Variants in GNB5 observed in about 807,000 individuals in gnomAD.
GNB5 encodes the protein guanine nucleotide-binding protein subunit beta-5.
Under a neutral mutation model 55.3 loss-of-function variants are expected in GNB5, and 37 were observed. The ratio of observed to expected loss-of-function variants is 0.67; its 90% CI spans 0.51 to 0.88. GNB5 has a LOEUF of 0.88. Among genes scored for constraint, GNB5 ranks in the 40% least tolerant of loss-of-function variants. The probability of loss-of-function intolerance (pLI) is 0.00; values close to 1 mark genes in which losing one functional copy is unlikely to be tolerated. For missense variants in GNB5, 476 were observed against 515.3 expected (o/e 0.92, Z 0.74); for synonymous variants, 219 against 198.5 (o/e 1.10, Z -0.87).
intron 3 of GNB5, among the ~76,000 whole-genome samples, chr15:52,172,844 C>G (rs1471118448): frequency 1.3e-5 from 2 of 152,118 alleles, no homozygotes; most frequent in East Asian, 3.9e-4. Flanking sequence ...ATAACAAGTT[C>G]CTTGCGTATC....
In GNB5 at chr15:52,117,047, C is replaced by T. The variant is rs1172038307; in HGVS notation, c.*5710G>A. On this transcript the variant is annotated 3_prime_UTR_variant, in exon 13 of 13. Transcript: ENST00000261837. ...CATGCCATTCTCCTGCCCCAGCCTC[C>T]CGAGCAGCTGGGACTACAGGCACCT... is the stretch of plus-strand genomic sequence containing the variant. 2 of 145,488 alleles carry T rather than the reference C, an allele frequency of 1.4e-5. No homozygotes were observed. Among genetic ancestry groups the T allele is most frequent in the Non-Finnish European group, 3.0e-5 (2 of 66,616 alleles). 9.0% of individuals were successfully genotyped at this position (145,488 alleles called of 1,614,324 possible). A position where few individuals can be genotyped will look rare whatever the true frequency, so the allele number is the denominator to read the frequency against.
rs543309939 is a variant in GNB5, at chr15:52,145,422, T to G, written c.494+2037A>C. On this transcript the variant is annotated intron_variant, in intron 6 of 12. Transcript: ENST00000261837. ...TGGGAGGCTGAGGCAGGCAGATCAC[T>G]TGATGTCAGGAGTTCGAGACCACCC... Among the ~76,000 whole-genome samples the G allele has an allele frequency of 1.8e-4, 28 of 151,868 alleles. No homozygotes were observed. The South Asian group carries it at 5.8e-3, about 32-fold the overall frequency.
intron 7 of GNB5, chr15:52,139,946 G>A (rs1055957301): frequency 1.2e-5 from 15 of 1,284,204 alleles, no homozygotes; most frequent in African/African-American, 9.1e-5. Flanking sequence ...CAGCCTAAAT[G>A]TCCTCTGTTG....
At position 52,143,155 on chromosome 15, in the gene GNB5, T is replaced by TA. The variant is rs113681660; in HGVS notation, c.495-1884dup. On this transcript the variant is annotated intron_variant, in intron 6 of 12. Coordinates refer to ENST00000261837, the MANE Select transcript of GNB5 (RefSeq NM_016194.4). ...GGGCAACAGAGTGAGATTCTTTGACTAAAAAAAAGAGAAAAAAAAAAAACA... is the reference window on the plus strand; with the variant it reads ...GGGCAACAGAGTGAGATTCTTTGACTAAAAAAAAAGAGAAAAAAAAAAAACA... Among the ~76,000 whole-genome samples the TA allele has an allele frequency of 3.1e-4, 43 of 140,130 alleles. 2 individuals are homozygous for TA. The highest frequency in any genetic ancestry group is 1.0e-3 in the African/African-American group (39 of 38,378). 91.9% of individuals were successfully genotyped at this position (140,130 alleles called of 152,430 possible).
chr15:52,184,622 T>C lies in GNB5; in HGVS notation c.55A>G (p.Lys19Glu), dbSNP rs1296390757. The C allele has an allele frequency of 6.2e-7, 1 of 1,613,272 alleles. No homozygotes were observed. The highest frequency in any genetic ancestry group is 1.1e-5 in the South Asian group (1 of 91,066). Residue 19 changes from lysine to glutamate, a missense_variant, in exon 2 of 13, where the codon AAA (lysine) becomes GAA (glutamate). Transcript: ENST00000261837. Reference sequence around the variant, plus strand: ...AAAACTGGTCTCAGAGCTCGTTGTTTGAAACATTTGTCACATGAGCCAAAT... The same window carrying C: ...AAAACTGGTCTCAGAGCTCGTTGTTCGAAACATTTGTCACATGAGCCAAAT... The part of the protein sequence containing the change: ...NVFGSCDKCF[K>E]QRALRPVFKK...
At chr15:52,171,373 T>C (rs1339457865) in intron 3 of GNB5, among the ~76,000 whole-genome samples, 1 of 152,194 alleles carries the variant, frequency 6.6e-6, no homozygotes, top group Non-Finnish European at 1.5e-5. Context: ...ACATAAGCTA[T>C]GAAATACATG....
intron 2 of GNB5, 64 bp from the exon 3 acceptor site, chr15:52,179,943 G>GCCGCTCCAGCAGCCGTCCCCGGCC: frequency 1.4e-6 from 2 of 1,433,062 alleles, no homozygotes; most frequent in East Asian, 6.5e-5. Context: ...CGCGGCGGGC[G>GCCGCTCCAGCAGCCGTCCCCGGCC]CCGCTCCAGC....
At chr15:52,179,942 C>G in intron 2 of GNB5, 63 bp from the exon 3 acceptor site, 2 of 1,435,248 alleles carry the variant, frequency 1.4e-6, no homozygotes, top group Non-Finnish European at 1.8e-6. Context: ...CCGCGGCGGG[C>G]GCCGCTCCAG....
At chr15:52,167,034 G>T (rs927249155) in intron 3 of GNB5, among the ~76,000 whole-genome samples, 1 of 152,126 alleles carries the variant, frequency 6.6e-6, no homozygotes, top group African/African-American at 2.4e-5. Context: ...AACCATCAGA[G>T]AATACTACAA....
In GNB5 at chr15:52,128,203, T is replaced by C; in HGVS notation, c.905A>G (p.Asp302Gly). 1 of 1,607,702 alleles carries C rather than the reference T, an allele frequency of 6.2e-7. No individual in the cohort carries two copies. The highest frequency in any genetic ancestry group is 8.5e-7 in the Non-Finnish European group (1 of 1,174,214). Residue 302 changes from aspartate to glycine, a missense_variant, in exon 10 of 13, where the codon GAC becomes GGC. Asp to Gly is a moderately conservative substitution (Grantham distance 94). Transcript: ENST00000261837. ...AAAAACTTAGAAACATACCGTAGCG[T>C]CATCTGACCCTGAAGCAAAGGCATC... The part of the protein sequence containing the change: ...SGDAFASGSD[D>G]ATCRLYDLRA...
At chr15:52,128,017 G>T (rs1440938391) in intron 10 of GNB5, among the ~76,000 whole-genome samples, 179 bp downstream of exon 10, 1 of 152,130 alleles carries the variant, frequency 6.6e-6, no homozygotes, top group African/African-American at 2.4e-5. Context: ...AAGACAGAAA[G>T]GAATTCATCC....
chr15:52,125,693 A>C (rs2033405440), intron 11 of GNB5: 1 of 342,580 alleles, frequency 2.9e-6, no homozygotes, highest in South Asian at 8.7e-5. Flanking sequence ...TGAATTTCTG[A>C]CACTTCATTG....
rs1341100858 is a variant in GNB5, at chr15:52,117,114, T to TTTTTTTGG, written c.*5642_*5643insCCAAAAAA. 1 of 85,542 alleles carries TTTTTTTGG rather than the reference T, an allele frequency of 1.2e-5. No individual in the cohort carries two copies. The highest frequency in any genetic ancestry group is 2.3e-5 in the Non-Finnish European group (1 of 43,236). 5.3% of individuals were successfully genotyped at this position (85,542 alleles called of 1,614,324 possible). A position where few individuals can be genotyped will look rare whatever the true frequency, so the allele number is the denominator to read the frequency against. ...AATATATATATATATTTTTTTTTAG[T>TTTTTTTGG]ACAGACAGGGTTTCACCGTGTTAGC... On this transcript the variant is annotated 3_prime_UTR_variant, in exon 13 of 13. Transcript: ENST00000261837.
intron 3 of GNB5, 58 bp from the exon 4 acceptor site, chr15:52,154,134 G>C: frequency 6.5e-7 from 1 of 1,549,300 alleles, no homozygotes; most frequent in Non-Finnish European, 8.8e-7. Context: ...TGGGCTTTGG[G>C]CTGACACAGC....
In GNB5 at chr15:52,122,114, C is replaced by T. The variant is rs2033283991; in HGVS notation, c.*643G>A. ...CATCATCATCATCCATGAGTCAAAC[C>T]ACCTGTCCTTTTTAGGCATTTCTCT... On this transcript the variant is annotated 3_prime_UTR_variant, in exon 13 of 13. Coordinates refer to ENST00000261837, the MANE Select transcript of GNB5 (RefSeq NM_016194.4). The T allele has an allele frequency of 6.6e-6, 1 of 152,198 alleles. No individual in the cohort carries two copies. The highest frequency in any genetic ancestry group is 1.5e-5 in the Non-Finnish European group (1 of 68,050). The allele number at this position is 152,198 out of a possible 1,614,324, so 9.4% of individuals were successfully genotyped here.
Position 52,117,750 on chromosome 15 carries a change from C to T in GNB5, c.*5007G>A, listed in dbSNP as rs1012546493. 1 of 152,516 alleles carries T rather than the reference C, an allele frequency of 6.6e-6. No homozygotes were observed. The highest frequency in any genetic ancestry group is 2.1e-4 in the South Asian group (1 of 4,836). The allele number at this position is 152,516 out of a possible 1,614,324, so 9.4% of individuals were successfully genotyped here. A position where few individuals can be genotyped will look rare whatever the true frequency, so the allele number is the denominator to read the frequency against. On this transcript the variant is annotated 3_prime_UTR_variant, in exon 13 of 13. Coordinates refer to ENST00000261837, the MANE Select transcript of GNB5 (RefSeq NM_016194.4). ...CATGGCAATCCTTACAAAGGATCCA[C>T]AGAGACAAGATTCACTCGCGGCCTC... is the stretch of plus-strand genomic sequence containing the variant.
At chr15:52,190,247 A>G (rs1347332757) in intron 1 of GNB5, among the ~76,000 whole-genome samples, 2 of 150,996 alleles carry the variant, frequency 1.3e-5, no homozygotes, top group East Asian at 3.9e-4. Context: ...CCTCCCAAAT[A>G]TCTGGGAATA....
At chr15:52,157,479 C>T (rs764069206) in intron 3 of GNB5, among the ~76,000 whole-genome samples, 8 of 151,078 alleles carry the variant, frequency 5.3e-5, no homozygotes, top group Non-Finnish European at 1.2e-4. Context: ...CATCTGACCT[C>T]GTGATCAACC....
At chr15:52,177,811 G>A (rs2141237941) in intron 3 of GNB5, among the ~76,000 whole-genome samples, 1 of 152,274 alleles carries the variant, frequency 6.6e-6, no homozygotes, top group African/African-American at 2.4e-5. Context: ...AGCTGCAGGG[G>A]AATCAAGAGG....
Sources: gnomAD v4.1 joint callset for allele counts (sites outside exome capture counted in the v4.1 genomes callset) on GRCh38, gnomAD v4.1.1 for gene constraint, MANE v1.5 for transcripts, NCBI Gene and HGNC (gene_info 2026-07-23, HGNC 2026-07-21) for gene names.